Variants in NEK11 observed in about 807,000 individuals in gnomAD.
NEK11 encodes NIMA related kinase 11.
A neutral mutation model predicts 80.7 loss-of-function variants in NEK11; 72 were observed. The ratio of observed to expected loss-of-function variants is 0.89; its 90% confidence interval spans 0.74 to 1.08. NEK11 has a LOEUF of 1.08. Among genes scored for constraint, NEK11 ranks in the 50% least tolerant of loss-of-function variants. The probability of loss-of-function intolerance (pLI) is 0.00; values close to 1 mark genes in which losing one functional copy is unlikely to be tolerated. For missense variants in NEK11, 764 were observed against 763.6 expected, an observed-to-expected ratio of 1.00 and a Z score of -0.01; for synonymous variants, 251 against 260.7, an observed-to-expected ratio of 0.96 and a Z score of 0.36.
At chr3:131,159,140 A>G (rs1008566987) in intron 10 of NEK11, among the ~76,000 whole-genome samples, 7 of 152,238 alleles carry the variant, frequency 4.6e-5, no homozygotes, top group African/African-American at 1.7e-4. Context: ...CATCCAAAGG[A>G]TAGCATCTTC....
At position 131,078,846 on chromosome 3, in the gene NEK11, A is replaced by G. The variant is rs1167357288; in HGVS notation, c.171-1577A>G. ...TTTTTGGCTGTATAGCCAGCATCCA[A>G]TGTCCTCTGGTTAGAGACTCCTTCA... On this transcript the variant is annotated intron_variant, in intron 3 of 17. Coordinates refer to ENST00000383366, the MANE Select transcript of NEK11 (RefSeq NM_024800.5). Among the ~76,000 whole-genome samples the G allele has an allele frequency of 2.7e-5, 4 of 150,524 alleles. No individual in the cohort carries two copies. The East Asian group carries it at 5.8e-4, about 22-fold the overall frequency.
intron 17 of NEK11, among the ~76,000 whole-genome samples, chr3:131,338,638 G>A (rs970868071): frequency 3.0e-4 from 46 of 152,118 alleles, no homozygotes; most frequent in Non-Finnish European, 4.7e-4. Flanking sequence ...CAGCACATCC[G>A]TACAGTGAAA....
At chr3:131,143,244 G>C (rs2087360298) in intron 7 of NEK11, among the ~76,000 whole-genome samples, 1 of 152,096 alleles carries the variant, frequency 6.6e-6, no homozygotes, top group African/African-American at 2.4e-5. Context: ...CCTGCTTTTG[G>C]ATTGGGCAGA....
Position 131,155,025 on chromosome 3 carries a change from C to G in NEK11, c.877-11C>G. On this transcript the variant is annotated splice_polypyrimidine_tract_variant and intron_variant, in intron 9 of 17. Coordinates refer to ENST00000383366, the MANE Select transcript of NEK11 (RefSeq NM_024800.5). Reference sequence around the variant, plus strand: ...GCCTTTAAGATATGTCAGGGTTGATCTTTTTTTCAGAACCTAATGTGTAGA... The same window carrying G: ...GCCTTTAAGATATGTCAGGGTTGATGTTTTTTTCAGAACCTAATGTGTAGA... 1 of 1,557,388 alleles carries G rather than the reference C, an allele frequency of 6.4e-7. No individual in the cohort carries two copies. Among genetic ancestry groups the G allele is most frequent in the East Asian group, 2.2e-5 (1 of 44,618 alleles).
At chr3:131,122,114 C>T (rs991841503) in intron 5 of NEK11, among the ~76,000 whole-genome samples, 1 of 152,164 alleles carries the variant, frequency 6.6e-6, no homozygotes, top group African/African-American at 2.4e-5. Context: ...ATCTTGGAAC[C>T]TCCTCCCTGT....
At chr3:131,083,843 T>C (rs997278968) in intron 4 of NEK11, among the ~76,000 whole-genome samples, 1 of 152,180 alleles carries the variant, frequency 6.6e-6, no homozygotes, top group African/African-American at 2.4e-5. Flanking sequence ...TGGGGAATAG[T>C]TCCAAAACTA....
At chr3:131,029,918 T>C (rs1560088874) in intron 3 of NEK11, 40 bp downstream of exon 3, 1 of 1,593,040 alleles carries the variant, frequency 6.3e-7, no homozygotes, top group Non-Finnish European at 8.6e-7. Flanking sequence ...AGTAGGCTGC[T>C]TTTTGTTTGC....
intron 14 of NEK11, among the ~76,000 whole-genome samples, chr3:131,174,332 A>G (rs1179100692): frequency 6.6e-6 from 1 of 152,230 alleles, no homozygotes; most frequent in Non-Finnish European, 1.5e-5. Context: ...GAAGTGGTTA[A>G]TTATTTTTTG....
At chr3:131,341,883 T>C (rs1178893831) in intron 17 of NEK11, among the ~76,000 whole-genome samples, 1 of 152,234 alleles carries the variant, frequency 6.6e-6, no homozygotes, top group African/African-American at 2.4e-5. Context: ...AATGCCATCA[T>C]GTTATGGGTA....
At chr3:131,052,134 GT>G (rs34528776) in intron 3 of NEK11, among the ~76,000 whole-genome samples, 83,290 of 127,354 alleles carry the variant, frequency 0.65, 25,021 homozygotes, top group South Asian at 0.71. Context: ...GGTTTTTTTT[GT>G]TTTTTTTTTT....
At chr3:131,056,167 G>A (rs1438982891) in intron 3 of NEK11, among the ~76,000 whole-genome samples, 1 of 152,148 alleles carries the variant, frequency 6.6e-6, no homozygotes, top group Non-Finnish European at 1.5e-5. Flanking sequence ...AGGTCTCTGG[G>A]CTGGTTCTGT....
chr3:131,254,691 G>A (rs984650020), intron 16 of NEK11, among the ~76,000 whole-genome samples: 1 of 152,220 alleles, frequency 6.6e-6, no homozygotes, highest in African/African-American at 2.4e-5. Flanking sequence ...CCAAGGACAT[G>A]TATAATTCTG....
chr3:131,147,608 G>T (rs984006344), intron 7 of NEK11, among the ~76,000 whole-genome samples: 2 of 151,888 alleles, frequency 1.3e-5, no homozygotes, highest in African/African-American at 4.8e-5. Context: ...CTGCTTTTCA[G>T]TTCCTGCCAA....
intron 3 of NEK11, among the ~76,000 whole-genome samples, chr3:131,071,992 G>C (rs916489200): frequency 6.6e-6 from 1 of 152,084 alleles, no homozygotes; most frequent in Non-Finnish European, 1.5e-5. Flanking sequence ...ACAAATGAGT[G>C]GAATATTTAC....
chr3:131,215,329 G>A (rs1044634529), intron 14 of NEK11, among the ~76,000 whole-genome samples: 3 of 151,356 alleles, frequency 2.0e-5, no homozygotes, highest in Non-Finnish European at 4.4e-5. Flanking sequence ...TGTAAATGAC[G>A]AGTTAATGGG....
rs1560835143 is a variant in NEK11 at position 131,182,149 on chromosome 3, AAAAAG to A, written c.1399+11272_1399+11276del. Among the ~76,000 whole-genome samples, 5 of 151,848 alleles carry A rather than the reference AAAAAG, an allele frequency of 3.3e-5. 1 individual carries two copies. In the South Asian group the frequency reaches 1.0e-3, roughly 31 times the overall value. ...AAATAGCACATCTCCAGAAAAAAAA[AAAAAG>A]AAAAGAAAAAAGAACTTTCTGGCAA... On this transcript the variant is annotated intron_variant, in intron 14 of 17. Coordinates refer to ENST00000383366, the MANE Select transcript of NEK11 (RefSeq NM_024800.5).
chr3:131,117,016 A>T (rs1184494975), intron 5 of NEK11, among the ~76,000 whole-genome samples: 1 of 152,156 alleles, frequency 6.6e-6, no homozygotes, highest in Non-Finnish European at 1.5e-5. Flanking sequence ...TTTTGTTGCC[A>T]TTGCTTTTGG....
intron 17 of NEK11, among the ~76,000 whole-genome samples, chr3:131,319,549 T>A (rs2096877071): frequency 6.6e-6 from 1 of 152,268 alleles, no homozygotes; most frequent in African/African-American, 2.4e-5. Flanking sequence ...ATTCAAATAC[T>A]CTCCCACCTT....
chr3:131,169,076 T>C (rs1191662534), intron 13 of NEK11, 139 bp downstream of exon 13: 5 of 561,688 alleles, frequency 8.9e-6, no homozygotes, highest in Non-Finnish European at 1.3e-5. Context: ...AAAAGCTTCA[T>C]TGAGCTGAAA....
Sources: gnomAD v4.1 joint callset for allele counts (sites outside exome capture counted in the v4.1 genomes callset) on GRCh38, gnomAD v4.1.1 for gene constraint, MANE v1.5 for transcripts, NCBI Gene and HGNC (gene_info 2026-07-23, HGNC 2026-07-21) for gene names.